Variants in RXFP1 observed in about 807,000 individuals in gnomAD.
RXFP1 encodes the protein relaxin family peptide receptor 1, also known as relaxin receptor 1.
RXFP1 carries 73 observed loss-of-function variants against 89.8 expected under a neutral mutation model. The observed-to-expected ratio is 0.81, with a 90% CI of 0.67 to 0.99. The LOEUF (loss-of-function observed/expected upper bound fraction) is 0.99. RXFP1 is among the 50% of genes least tolerant of loss of function. The pLI is 0.00. For synonymous variants in RXFP1, 277 were observed against 305.5 expected (o/e 0.91, Z 0.97); for missense variants, 793 against 895.5 (o/e 0.89, Z 1.46).
intron 1 of RXFP1, among the ~76,000 whole-genome samples, chr4:158,539,518 G>T (rs539872334): frequency 1.3e-5 from 2 of 151,990 alleles, no homozygotes; most frequent in South Asian, 2.1e-4. Context: ...AACTGGAAAG[G>T]TTTGGAGATG....
intron 1 of RXFP1, among the ~76,000 whole-genome samples, chr4:158,542,459 T>A (rs954266451): frequency 1.3e-4 from 20 of 152,226 alleles, no homozygotes; most frequent in Non-Finnish European, 2.6e-4. Context: ...GTTACAAAAC[T>A]TACCATAAAA....
At chr4:158,523,163 G>A (rs948090190) in intron 1 of RXFP1, among the ~76,000 whole-genome samples, 2 of 152,082 alleles carry the variant, frequency 1.3e-5, no homozygotes, top group South Asian at 2.1e-4. Flanking sequence ...ACAATAAATT[G>A]CAAACCACCA....
At chr4:158,613,850 C>G (rs1764012679) in intron 8 of RXFP1, among the ~76,000 whole-genome samples, 1 of 152,192 alleles carries the variant, frequency 6.6e-6, no homozygotes. Flanking sequence ...CCCAAATCGT[C>G]AGAGGAATCA....
rs1754457736 is a variant in RXFP1 at position 158,569,005 on chromosome 4, A to G, written c.50-3693A>G. 2.0e-5 allele frequency among the ~76,000 whole-genome samples: 3 copies of G among 152,274 alleles called. 1 individual carries two copies. In the South Asian group the frequency reaches 6.2e-4, roughly 32 times the overall value. ...CAAACTTGGTAAGGATAATGGGAGC[A>G]TAACTGTACTGGGAGTCTACAGATA... On this transcript the variant is annotated intron_variant, in intron 1 of 17. Transcript: ENST00000307765.
At chr4:158,613,954 G>A (rs955474649) in intron 8 of RXFP1, among the ~76,000 whole-genome samples, 4 of 152,196 alleles carry the variant, frequency 2.6e-5, no homozygotes, top group Non-Finnish European at 4.4e-5. Flanking sequence ...CTGTAGAATG[G>A]ATGTCGTGTT....
intron 1 of RXFP1, among the ~76,000 whole-genome samples, chr4:158,527,562 A>T (rs368550759): frequency 1.2e-3 from 8 of 6,896 alleles, no homozygotes; most frequent in African/African-American, 1.3e-3. Flanking sequence ...CAAAAAAAAA[A>T]AAATATATAT....
chr4:158,542,109 A>ATATATATATTTT, intron 1 of RXFP1, among the ~76,000 whole-genome samples: 507 of 35,074 alleles, frequency 0.014, 38 homozygotes, highest in East Asian at 0.062. Flanking sequence ...ATATATATAT[A>ATATATATATTTT]TTTTTTTTTT....
intron 13 of RXFP1, among the ~76,000 whole-genome samples, chr4:158,638,428 A>G (rs1378224052): frequency 6.6e-6 from 1 of 152,166 alleles, no homozygotes; most frequent in African/African-American, 2.4e-5. Context: ...CCAAGATGGA[A>G]TATGCTAGAT....
At chr4:158,547,860 T>G (rs2149869789) in intron 1 of RXFP1, among the ~76,000 whole-genome samples, 1 of 152,324 alleles carries the variant, frequency 6.6e-6, no homozygotes, top group South Asian at 2.1e-4. Context: ...GAGGAGTGCT[T>G]TACTTCCAAC....
chr4:158,570,450 C>T (rs1046937913), intron 1 of RXFP1, among the ~76,000 whole-genome samples: 8 of 152,150 alleles, frequency 5.3e-5, no homozygotes, highest in African/African-American at 1.7e-4. Flanking sequence ...TTGCACCCTA[C>T]CTTTCCCCCA....
At chr4:158,575,954 G>C (rs956454720) in intron 2 of RXFP1, among the ~76,000 whole-genome samples, 5 of 152,122 alleles carry the variant, frequency 3.3e-5, no homozygotes, top group Non-Finnish European at 7.3e-5. Flanking sequence ...AGGCAGTTCT[G>C]GTCTCAGCTG....
intron 4 of RXFP1, among the ~76,000 whole-genome samples, chr4:158,602,952 A>G (rs960045050): frequency 8.5e-5 from 13 of 152,180 alleles, no homozygotes; most frequent in African/African-American, 2.7e-4. Flanking sequence ...TTGTAAACAG[A>G]CAGGGTCTCA....
chr4:158,573,145 A>T (rs1404962589), intron 2 of RXFP1: 1 of 203,184 alleles, frequency 4.9e-6, no homozygotes, highest in African/African-American at 2.3e-5. Flanking sequence ...AGTAGCTGGG[A>T]CTACAGGTGC....
chr4:158,566,339 T>C (rs926911626), intron 1 of RXFP1, among the ~76,000 whole-genome samples: 1 of 151,748 alleles, frequency 6.6e-6, no homozygotes, highest in African/African-American at 2.4e-5. Context: ...ACTTCTCAGT[T>C]TGAGATTATC....
rs1773037033 is a variant in RXFP1 at position 158,653,320 on chromosome 4, A to G, written c.*1265A>G. 1 of 152,266 alleles carries G rather than the reference A, an allele frequency of 6.6e-6. No individual in the cohort carries two copies. Among genetic ancestry groups the G allele is most frequent in the Admixed American group, 6.5e-5 (1 of 15,288 alleles). The allele number at this position is 152,266 out of a possible 1,614,324, so 9.4% of individuals were successfully genotyped here. A position where few individuals can be genotyped will look rare whatever the true frequency, so the allele number is the denominator to read the frequency against. On this transcript the variant is annotated 3_prime_UTR_variant, in exon 18 of 18. Coordinates refer to ENST00000307765, the MANE Select transcript of RXFP1 (RefSeq NM_021634.4). ...ACCATAATGCACTTATTGAATATAT[A>G]GTTGTATAGATTTGTTCTGAAAATA...
At chr4:158,641,396 GAAGT>G (rs1770348383) in intron 14 of RXFP1, among the ~76,000 whole-genome samples, 1 of 152,062 alleles carries the variant, frequency 6.6e-6, no homozygotes, top group South Asian at 2.1e-4. Flanking sequence ...CAAAAAGGGA[GAAGT>G]AATTCTCTCA....
intron 16 of RXFP1, among the ~76,000 whole-genome samples, chr4:158,647,504 T>C (rs1256483080): frequency 7.9e-5 from 12 of 152,328 alleles, no homozygotes; most frequent in Middle Eastern, 3.4e-3. Context: ...GGCTTGTGAG[T>C]ATATATACAA....
In RXFP1 at chr4:158,531,110, C is replaced by G. The variant is rs1414034159; in HGVS notation, c.49+9085C>G. On this transcript the variant is annotated intron_variant, in intron 1 of 17. Coordinates refer to ENST00000307765, the MANE Select transcript of RXFP1 (RefSeq NM_021634.4). ...TGAGTGCAGTGATGCAATCTTGGCT[C>G]ACTGCAAACTCTGCCCCCTGGCTCA... Among the ~76,000 whole-genome samples, 3 of 152,168 alleles carry G rather than the reference C, an allele frequency of 2.0e-5. No individual in the cohort carries two copies. In the East Asian group the frequency reaches 5.8e-4, roughly 29 times the overall value.
chr4:158,603,130 G>A (rs1253548797), intron 4 of RXFP1, among the ~76,000 whole-genome samples: 1 of 151,922 alleles, frequency 6.6e-6, no homozygotes, highest in African/African-American at 2.4e-5. Context: ...TGGCGGTGGG[G>A]GGGCAGTCTC....
Sources: gnomAD v4.1 joint callset for allele counts (sites outside exome capture counted in the v4.1 genomes callset) on GRCh38, gnomAD v4.1.1 for gene constraint, MANE v1.5 for transcripts, NCBI Gene and HGNC (gene_info 2026-07-23, HGNC 2026-07-21) for gene names.